Variants in CASP10 observed in about 807,000 individuals in gnomAD.
CASP10 encodes the protein caspase 10, also known as caspase-10.
A neutral mutation model predicts 48.5 loss-of-function variants in CASP10; 41 were observed. The ratio of observed to expected loss-of-function variants is 0.85; its 90% CI spans 0.66 to 1.10. CASP10 has a LOEUF of 1.10. CASP10 is among the 50% of genes least tolerant of loss of function. The probability of loss-of-function intolerance (pLI) is 0.00; values close to 1 mark genes in which losing one functional copy is unlikely to be tolerated. For synonymous variants in CASP10, 232 were observed against 238.4 expected (o/e 0.97, Z 0.25); for missense variants, 614 against 614.5 (o/e 1.00, Z 0.01).
At position 201,190,014 on chromosome 2, in the gene CASP10, A is replaced by G. The variant is rs752377635; in HGVS notation, c.441+2215A>G. ...GACCCTGTCTCAAAAAAATAGTTCA[A>G]TTGTCCCATTTTTTCCCAGGGGATA... On this transcript the variant is annotated intron_variant, in intron 3 of 9. Transcript: ENST00000286186. 2.0e-5 allele frequency among the ~76,000 whole-genome samples: 3 copies of G among 151,956 alleles called. No homozygotes were observed. The South Asian group carries it at 6.2e-4, about 32-fold the overall frequency.
chr2:201,209,672 C>T lies in CASP10; in HGVS notation c.1415+110C>T. ...GGTGAGAGTTCTACGTTGTTCTATC[C>T]ATGTACCTGTTCAACCATCTGCCTA... On this transcript the variant is annotated intron_variant, in intron 9 of 9. Transcript: ENST00000286186. 2 of 1,150,096 alleles carry T rather than the reference C, an allele frequency of 1.7e-6. 1 individual carries two copies. The highest frequency in any genetic ancestry group is 3.2e-5 in the South Asian group (2 of 61,576). The allele number at this position is 1,150,096 out of a possible 1,614,324, so 71.2% of individuals were successfully genotyped here.
intron 9 of CASP10, among the ~76,000 whole-genome samples, chr2:201,217,160 T>G (rs1257516259): frequency 2.0e-5 from 3 of 152,180 alleles, no homozygotes; most frequent in Non-Finnish European, 4.4e-5. Context: ...AGAGAGGGCA[T>G]TGTTGGTATC....
At chr2:201,215,211 GTTTTTTTT>G (rs10616229) in intron 9 of CASP10, among the ~76,000 whole-genome samples, 8 of 29,884 alleles carry the variant, frequency 2.7e-4, no homozygotes, top group African/African-American at 4.5e-4. Flanking sequence ...TCTTCCCTCG[GTTTTTTTT>G]TTTTTTTTTT....
intron 4 of CASP10, among the ~76,000 whole-genome samples, chr2:201,193,587 T>C (rs1313127058): frequency 6.6e-6 from 1 of 152,130 alleles, no homozygotes; most frequent in Admixed American, 6.6e-5. Flanking sequence ...ATTCAACACA[T>C]ATTGGTTGAG....
chr2:201,204,698 C>T (rs1026875811), intron 6 of CASP10, among the ~76,000 whole-genome samples: 1 of 152,202 alleles, frequency 6.6e-6, no homozygotes, highest in Non-Finnish European at 1.5e-5. Context: ...GCTTACTCTC[C>T]TAAGGCCAGG....
At chr2:201,207,550 A>T (rs1945245875) in intron 7 of CASP10, among the ~76,000 whole-genome samples, 1 of 152,114 alleles carries the variant, frequency 6.6e-6, no homozygotes, top group African/African-American at 2.4e-5. Flanking sequence ...CAAGGTCAAG[A>T]GATCAAGACC....
downstream of CASP10, among the ~76,000 whole-genome samples, chr2:201,224,123 T>C (rs913245124): frequency 6.6e-6 from 1 of 152,024 alleles, no homozygotes; most frequent in Non-Finnish European, 1.5e-5. Context: ...GGGCGCCCGC[T>C]ACCACGCCCA....
intron 9 of CASP10, among the ~76,000 whole-genome samples, chr2:201,210,431 C>G (rs1003620711): frequency 2.6e-5 from 4 of 152,214 alleles, no homozygotes; most frequent in African/African-American, 9.7e-5. Context: ...CTTGCTTGAG[C>G]CTGTCTCATT....
chr2:201,226,980 A>C (rs887799624), intron 9 of CASP10, among the ~76,000 whole-genome samples: 1 of 152,176 alleles, frequency 6.6e-6, no homozygotes, highest in Non-Finnish European at 1.5e-5. Context: ...AGAGTCTTTT[A>C]TGTTGCTTAT....
chr2:201,219,471 G>A lies in CASP10; in HGVS notation c.*1730G>A. On this transcript the variant is annotated 3_prime_UTR_variant, in exon 10 of 10. Coordinates refer to ENST00000286186, the MANE Select transcript of CASP10 (RefSeq NM_032977.4). ...TTTCTCTTGGCCGGATGTCCTCAGG[G>A]CTGGCAGATGCAGTAGACTGCAGTG... 1.0e-6 allele frequency: 1 copy of A among 985,428 alleles called. No individual in the cohort carries two copies. The highest frequency in any genetic ancestry group is 1.2e-6 in the Non-Finnish European group (1 of 829,976). The allele number at this position is 985,428 out of a possible 1,614,324, so 61.0% of individuals were successfully genotyped here.
chr2:201,227,452 G>C (rs1945802686), intron 9 of CASP10, among the ~76,000 whole-genome samples: 2 of 152,148 alleles, frequency 1.3e-5, no homozygotes, highest in Non-Finnish European at 2.9e-5. Context: ...GCAAAATAAT[G>C]ATCTGGATAT....
chr2:201,206,039 A>T lies in CASP10; in HGVS notation c.813+66A>T, dbSNP rs1203352068. 37 of 1,025,218 alleles carry T rather than the reference A, an allele frequency of 3.6e-5. No individual in the cohort carries two copies. The East Asian group carries it at 9.2e-4, about 25-fold the overall frequency. The allele number at this position is 1,025,218 out of a possible 1,614,324, so 63.5% of individuals were successfully genotyped here. On this transcript the variant is annotated intron_variant, in intron 7 of 9. Transcript: ENST00000286186. ...TTTTTTTCCAAATTTAATCAAAAGG[A>T]CGGTTTCTTTAGGGGCTCTCTCCCT...
chr2:201,203,693 A>C, intron 5 of CASP10, 37 bp from the exon 6 acceptor site: 1 of 1,596,358 alleles, frequency 6.3e-7, no homozygotes, highest in Non-Finnish European at 8.6e-7. Flanking sequence ...ACTGTGTGAA[A>C]TTCCTATGTT....
chr2:201,216,680 C>T (rs746709954), intron 9 of CASP10, among the ~76,000 whole-genome samples: 5 of 152,106 alleles, frequency 3.3e-5, no homozygotes, highest in African/African-American at 1.2e-4. Flanking sequence ...ACCCAATATA[C>T]ATCCTTTAAT....
intron 5 of CASP10, among the ~76,000 whole-genome samples, chr2:201,201,340 C>T (rs533839852): frequency 3.3e-5 from 5 of 152,150 alleles, no homozygotes; most frequent in African/African-American, 1.2e-4. Context: ...ATCCCAGAAG[C>T]TCTTTAAAAT....
At chr2:201,196,027 GAA>G in intron 5 of CASP10, 79 bp downstream of exon 5, 1 of 927,548 alleles carries the variant, frequency 1.1e-6, no homozygotes, top group Non-Finnish European at 1.8e-6. Flanking sequence ...CCCCAAAAAA[GAA>G]AAAGAGAGAG....
chr2:201,183,270 C>A lies in CASP10; in HGVS notation c.-46C>A, dbSNP rs1192887336. Reference sequence around the variant, plus strand: ...TGTTTTCAGGCAATTTCCCTGAGAACCGTTTACTTCCAGAAGATTGGTGGA... The same window carrying A: ...TGTTTTCAGGCAATTTCCCTGAGAAACGTTTACTTCCAGAAGATTGGTGGA... On this transcript the variant is annotated 5_prime_UTR_variant, in exon 1 of 10. Coordinates refer to ENST00000286186, the MANE Select transcript of CASP10 (RefSeq NM_032977.4). 1 of 152,172 alleles carries A rather than the reference C, an allele frequency of 6.6e-6. No individual in the cohort carries two copies. Among genetic ancestry groups the A allele is most frequent in the Admixed American group, 6.6e-5 (1 of 15,266 alleles). The allele number at this position is 152,172 out of a possible 1,614,324, so 9.4% of individuals were successfully genotyped here.
rs1286548960 is a variant in CASP10, at chr2:201,192,535, G to T, written c.442-449G>T. Among the ~76,000 whole-genome samples the T allele has an allele frequency of 2.0e-5, 3 of 151,756 alleles. No individual in the cohort carries two copies. In the East Asian group the frequency reaches 5.8e-4, roughly 29 times the overall value. ...TTTCTTTGGTGTCCCTCTTTTGCTG[G>T]CTTCCTAAGCAGTATCATTTAAAGC... On this transcript the variant is annotated intron_variant, in intron 3 of 9. Transcript: ENST00000286186.
At chr2:201,208,248 A>G in intron 8 of CASP10, 65 bp downstream of exon 8, 2 of 1,557,184 alleles carry the variant, frequency 1.3e-6, no homozygotes, top group Non-Finnish European at 1.7e-6. Flanking sequence ...TTTTATTTTC[A>G]CATTTTCTTT....
Sources: gnomAD v4.1 joint callset for allele counts (sites outside exome capture counted in the v4.1 genomes callset) on GRCh38, gnomAD v4.1.1 for gene constraint, MANE v1.5 for transcripts, NCBI Gene and HGNC (gene_info 2026-07-23, HGNC 2026-07-21) for gene names.